The following ERC2 variants were observed in gnomAD, a reference collection of about 807,000 sequenced individuals.
The protein encoded by ERC2 is ERC protein 2.
ERC2 carries 42 observed loss-of-function variants against 114.8 expected under a neutral mutation model. The observed-to-expected ratio is 0.37, with a 90% CI of 0.29 to 0.47. The LOEUF is 0.47. Among genes scored for constraint, ERC2 ranks in the 20% least tolerant of loss-of-function variants. The pLI is 0.99. For missense variants in ERC2, 939 were observed against 1,150.7 expected (o/e 0.82, Z 2.66); for synonymous variants, 454 against 425.5 (o/e 1.07, Z -0.82).
chr3:55,668,601 A>G (rs937007220), intron 17 of ERC2, among the ~76,000 whole-genome samples: 11 of 152,004 alleles, frequency 7.2e-5, no homozygotes, highest in Non-Finnish European at 1.2e-4. Context: ...TCACTTTCCT[A>G]TCTTCTTTTT....
At chr3:55,773,238 C>T (rs550366951) in intron 14 of ERC2, among the ~76,000 whole-genome samples, 2 of 152,334 alleles carry the variant, frequency 1.3e-5, no homozygotes, top group South Asian at 4.1e-4. Flanking sequence ...ATCACACAGG[C>T]TTCCTGGCTG....
At chr3:55,931,331 A>G (rs368946893) in intron 13 of ERC2, among the ~76,000 whole-genome samples, 36 of 152,362 alleles carry the variant, frequency 2.4e-4, no homozygotes, top group African/African-American at 7.2e-4. Flanking sequence ...TGTTCACAAT[A>G]GCAAAGACTT....
intron 17 of ERC2, among the ~76,000 whole-genome samples, chr3:55,525,927 G>A (rs1383374093): frequency 1.3e-5 from 2 of 152,186 alleles, no homozygotes; most frequent in Non-Finnish European, 1.5e-5. Flanking sequence ...AGTCCTAACC[G>A]CTAGTAAATG....
intron 14 of ERC2, among the ~76,000 whole-genome samples, chr3:55,782,497 T>C (rs962677679): frequency 1.3e-5 from 2 of 152,228 alleles, no homozygotes; most frequent in African/African-American, 2.4e-5. Context: ...CATCACCTTA[T>C]ATGTTACAAC....
At chr3:55,792,081 C>T (rs563332916) in intron 14 of ERC2, among the ~76,000 whole-genome samples, 1 of 152,130 alleles carries the variant, frequency 6.6e-6, no homozygotes, top group South Asian at 2.1e-4. Context: ...TACAACAAAC[C>T]CCTAAATCTT....
Position 55,699,517 on chromosome 3 carries a change from G to A in ERC2, c.2713-5C>T. ...CAACTTCATTCTGTTCTGGGTCTGT[G>A]CAGAACAAAAACCAAGGAAGATTCC... On this transcript the variant is annotated splice_polypyrimidine_tract_variant and splice_region_variant and intron_variant, in intron 15 of 17. Transcript: ENST00000288221. 1.3e-6 allele frequency: 2 copies of A among 1,597,934 alleles called. No individual in the cohort carries two copies. The highest frequency in any genetic ancestry group is 1.7e-6 in the Non-Finnish European group (2 of 1,168,830).
chr3:55,860,736 T>C (rs2061991867), intron 14 of ERC2, among the ~76,000 whole-genome samples: 1 of 152,168 alleles, frequency 6.6e-6, no homozygotes, highest in South Asian at 2.1e-4. Flanking sequence ...GAGCCCAAGT[T>C]TTTCTCTGTT....
At chr3:56,432,199 T>A (rs1437165357) in intron 2 of ERC2, among the ~76,000 whole-genome samples, 1 of 152,244 alleles carries the variant, frequency 6.6e-6, no homozygotes, top group East Asian at 1.9e-4. Context: ...GTGTAATGCA[T>A]CCTGTAATTT....
intron 7 of ERC2, among the ~76,000 whole-genome samples, chr3:56,046,298 T>C (rs910160045): frequency 3.3e-5 from 5 of 152,176 alleles, no homozygotes; most frequent in African/African-American, 1.2e-4. Context: ...GAAAGCATTA[T>C]TCACTGCCAT....
intron 2 of ERC2, among the ~76,000 whole-genome samples, chr3:56,308,714 C>T (rs186668177): frequency 2.0e-5 from 3 of 152,062 alleles, no homozygotes; most frequent in Admixed American, 2.0e-4. Context: ...CACTGTAAAG[C>T]AGCTTAGGGT....
At chr3:55,891,697 G>C (rs1576051779) in intron 13 of ERC2, among the ~76,000 whole-genome samples, 1 of 151,978 alleles carries the variant, frequency 6.6e-6, no homozygotes, top group Middle Eastern at 3.4e-3. Context: ...CACCCGCCTT[G>C]GCCTCCCAAA....
chr3:56,454,758 C>T (rs948201997), intron 1 of ERC2, among the ~76,000 whole-genome samples: 1 of 148,294 alleles, frequency 6.7e-6, no homozygotes, highest in African/African-American at 2.5e-5. Context: ...GGCTGAGGCA[C>T]GAGGATCACG....
At chr3:56,011,362 G>A (rs538328597) in intron 8 of ERC2, among the ~76,000 whole-genome samples, 4 of 152,168 alleles carry the variant, frequency 2.6e-5, no homozygotes, top group East Asian at 3.9e-4. Flanking sequence ...TCTTGGTGAC[G>A]GTGTAGAGGT....
At position 56,214,348 on chromosome 3, in the gene ERC2, A is replaced by G. The variant is rs528897315; in HGVS notation, c.1075-40828T>C. 7.3e-5 allele frequency among the ~76,000 whole-genome samples: 11 copies of G among 150,352 alleles called. No individual in the cohort carries two copies. In the East Asian group the frequency reaches 1.4e-3, roughly 19 times the overall value. ...AGCACGAGAACTACGTGATGAATGC[A>G]CAAGCTTCAGTAGCTGATTCAATAA... On this transcript the variant is annotated intron_variant, in intron 3 of 17. Coordinates refer to ENST00000288221, the MANE Select transcript of ERC2 (RefSeq NM_015576.3).
intron 17 of ERC2, among the ~76,000 whole-genome samples, chr3:55,629,029 A>G (rs1291842996): frequency 6.6e-6 from 1 of 152,180 alleles, no homozygotes; most frequent in East Asian, 1.9e-4. Context: ...AGAAGCAGAG[A>G]TGGAAGGAAA....
intron 2 of ERC2, among the ~76,000 whole-genome samples, chr3:56,410,275 T>C (rs985279073): frequency 1.3e-5 from 2 of 152,202 alleles, no homozygotes; most frequent in African/African-American, 2.4e-5. Context: ...TAAGTGAACT[T>C]TGGTGAAAGA....
At position 56,434,275 on chromosome 3, in the gene ERC2, G is replaced by A. The variant is rs546067322; in HGVS notation, c.657+76C>T. ...TGCCAAACTTTCTTCTGCACAGGTCGTGGTACCATCTGCAAAGCATCAACT... is the reference window on the plus strand; with the variant it reads ...TGCCAAACTTTCTTCTGCACAGGTCATGGTACCATCTGCAAAGCATCAACT... On this transcript the variant is annotated intron_variant, in intron 2 of 17. Transcript: ENST00000288221. The A allele has an allele frequency of 1.1e-4, 150 of 1,393,888 alleles. 2 individuals carry two copies. In the South Asian group the frequency reaches 1.5e-3, roughly 14 times the overall value. 86.3% of individuals were successfully genotyped at this position (1,393,888 alleles called of 1,614,324 possible). A position where few individuals can be genotyped will look rare whatever the true frequency, so the allele number is the denominator to read the frequency against.
chr3:56,367,178 A>G (rs1333425310), intron 2 of ERC2, among the ~76,000 whole-genome samples: 1 of 151,962 alleles, frequency 6.6e-6, no homozygotes, highest in Non-Finnish European at 1.5e-5. Context: ...GGATACTCTA[A>G]GCAACATGAG....
intron 4 of ERC2, among the ~76,000 whole-genome samples, chr3:56,152,675 T>C (rs1038399854): frequency 1.3e-5 from 2 of 152,176 alleles, no homozygotes; most frequent in Admixed American, 1.3e-4. Flanking sequence ...AAAAAAATTT[T>C]CAGGGAAAAA....
Sources: allele counts gnomAD v4.1 joint callset (sites outside exome capture counted in the v4.1 genomes callset), GRCh38; gene constraint gnomAD v4.1.1; transcripts MANE v1.5; gene names NCBI Gene and HGNC (gene_info 2026-07-23, HGNC 2026-07-21).